Variants in FOXN3 observed in about 807,000 individuals in gnomAD.
The protein encoded by FOXN3 is forkhead box N3, also known as forkhead box protein N3.
In FOXN3, 7 loss-of-function variants were observed where a neutral mutation model predicts 38.4. That is an observed-to-expected ratio of 0.18 (90% CI 0.10 to 0.34). The LOEUF is 0.34. Among genes scored for constraint, FOXN3 ranks in the 10% least tolerant of loss-of-function variants. The pLI, the probability that FOXN3 is intolerant of heterozygous loss-of-function variation, is 1.00. For missense variants in FOXN3, 456 were observed against 613.4 expected, an observed-to-expected ratio of 0.74 and a Z score of 2.71; for synonymous variants, 230 against 242.2, an observed-to-expected ratio of 0.95 and a Z score of 0.47.
chr14:89,370,159 T>C (rs1890274235), intron 2 of FOXN3, among the ~76,000 whole-genome samples: 1 of 152,272 alleles, frequency 6.6e-6, no homozygotes, highest in Admixed American at 6.5e-5. Context: ...TTTGTATTTG[T>C]GCTGCTGGCA....
At chr14:89,471,399 C>T (rs1339081698) in intron 1 of FOXN3, among the ~76,000 whole-genome samples, 2 of 151,996 alleles carry the variant, frequency 1.3e-5, no homozygotes, top group Non-Finnish European at 2.9e-5. Flanking sequence ...CCCAGGAGCT[C>T]AAGACTAGCC....
At chr14:89,590,583 C>G (rs1895929696) in intron 1 of FOXN3, among the ~76,000 whole-genome samples, 1 of 152,114 alleles carries the variant, frequency 6.6e-6, no homozygotes, top group Non-Finnish European at 1.5e-5. Flanking sequence ...AACAATACAA[C>G]AAAGTGGATG....
At chr14:89,382,399 C>G (rs778723249) in intron 2 of FOXN3, among the ~76,000 whole-genome samples, 2 of 152,214 alleles carry the variant, frequency 1.3e-5, no homozygotes, top group Non-Finnish European at 2.9e-5. Flanking sequence ...ACCCTCACTT[C>G]CAAGCCTGAA....
At position 89,446,087 on chromosome 14, in the gene FOXN3, C is replaced by CAAAAAAAAAAAAAAAAAAA. The variant is rs576883864; in HGVS notation, c.-14-33616_-14-33598dup. ...TGGGTAACAGAGCGAGACCCTGCCT[C>CAAAAAAAAAAAAAAAAAAA]AAAAAAAAAAAAAAAAAAAAAAAAT... On this transcript the variant is annotated intron_variant, in intron 1 of 6. Transcript: ENST00000345097. Among the ~76,000 whole-genome samples the CAAAAAAAAAAAAAAAAAAA allele has an allele frequency of 2.0e-3, 82 of 40,104 alleles. 5 individuals are homozygous for CAAAAAAAAAAAAAAAAAAA. Among genetic ancestry groups the CAAAAAAAAAAAAAAAAAAA allele is most frequent in the African/African-American group, 3.9e-3 (46 of 11,750 alleles). 26.3% of individuals were successfully genotyped at this position (40,104 alleles called of 152,430 possible).
intron 2 of FOXN3, chr14:89,355,155 A>T (rs1415083506): frequency 6.6e-6 from 1 of 151,592 alleles, no homozygotes; most frequent in Admixed American, 6.6e-5. Context: ...ACAAAAAGAA[A>T]AGCAAACAAG....
chr14:89,532,721 C>G (rs939611229), intron 1 of FOXN3, among the ~76,000 whole-genome samples: 1 of 152,176 alleles, frequency 6.6e-6, no homozygotes, highest in Non-Finnish European at 1.5e-5. Flanking sequence ...AGCATTTCCA[C>G]TGATCACCAA....
chr14:89,390,785 A>G (rs1890923163), intron 2 of FOXN3, among the ~76,000 whole-genome samples: 1 of 152,162 alleles, frequency 6.6e-6, no homozygotes, highest in South Asian at 2.1e-4. Flanking sequence ...CCTCGGTTGA[A>G]GTTCTGAGGG....
intron 1 of FOXN3, among the ~76,000 whole-genome samples, chr14:89,536,614 C>G (rs756434484): frequency 1.3e-5 from 2 of 152,042 alleles, no homozygotes; most frequent in Non-Finnish European, 2.9e-5. Context: ...ACCCCCGTCT[C>G]TACTAAAAAT....
intron 2 of FOXN3, among the ~76,000 whole-genome samples, chr14:89,371,904 C>T (rs1012477451): frequency 2.0e-5 from 3 of 152,238 alleles, no homozygotes; most frequent in African/African-American, 7.2e-5. Context: ...CTCCTTCACC[C>T]GTTCAGGTCC....
intron 1 of FOXN3, among the ~76,000 whole-genome samples, chr14:89,482,416 T>G (rs1050401952): frequency 6.6e-6 from 1 of 151,854 alleles, no homozygotes; most frequent in Non-Finnish European, 1.5e-5. Context: ...AGCCCAGAAG[T>G]TTGAGACCAG....
chr14:89,210,555 G>A (rs1481830322), intron 4 of FOXN3, among the ~76,000 whole-genome samples: 3 of 152,162 alleles, frequency 2.0e-5, no homozygotes, highest in Non-Finnish European at 1.5e-5. Flanking sequence ...ATTCTCTAGA[G>A]TTTTGCTTTG....
At chr14:89,565,463 C>T (rs1187492590) in intron 1 of FOXN3, among the ~76,000 whole-genome samples, 6 of 152,136 alleles carry the variant, frequency 3.9e-5, no homozygotes, top group Non-Finnish European at 8.8e-5. Context: ...ACAGACTCAC[C>T]CAGGACCTGG....
chr14:89,187,329 C>T (rs578116308), intron 4 of FOXN3, among the ~76,000 whole-genome samples: 5 of 152,310 alleles, frequency 3.3e-5, no homozygotes, highest in African/African-American at 4.8e-5. Flanking sequence ...GCAGGCTCTG[C>T]GCAGACAGGA....
At chr14:89,617,990 G>C (rs1246868775) in intron 1 of FOXN3, among the ~76,000 whole-genome samples, 1 of 152,186 alleles carries the variant, frequency 6.6e-6, no homozygotes, top group Non-Finnish European at 1.5e-5. Flanking sequence ...CTCCAAGGCA[G>C]AGTCGGCGAT....
intron 1 of FOXN3, among the ~76,000 whole-genome samples, chr14:89,499,942 C>T (rs931654431): frequency 9.9e-5 from 15 of 152,098 alleles, no homozygotes; most frequent in Non-Finnish European, 2.1e-4. Context: ...CTCCGCATCT[C>T]GGGTTCAAGT....
intron 3 of FOXN3, among the ~76,000 whole-genome samples, chr14:89,302,263 G>A (rs574619584): frequency 3.3e-5 from 5 of 152,276 alleles, no homozygotes; most frequent in African/African-American, 7.2e-5. Context: ...CATTAAATTC[G>A]AAGAGAACAT....
chr14:89,370,779 C>T (rs1366754604), intron 2 of FOXN3, among the ~76,000 whole-genome samples: 1 of 152,248 alleles, frequency 6.6e-6, no homozygotes, highest in Non-Finnish European at 1.5e-5. Context: ...ACACTCAACT[C>T]CGGATAGGGT....
intron 1 of FOXN3, among the ~76,000 whole-genome samples, chr14:89,578,001 T>G (rs1028222477): frequency 1.3e-5 from 2 of 152,176 alleles, no homozygotes; most frequent in African/African-American, 2.4e-5. Context: ...CTTGGTGGAT[T>G]TGCAACCTAG....
intron 1 of FOXN3, among the ~76,000 whole-genome samples, chr14:89,520,433 AAAAGAC>A (rs1034085167): frequency 7.2e-5 from 11 of 152,338 alleles, no homozygotes; most frequent in African/African-American, 2.6e-4. Context: ...TGGGAAAACC[AAAAGAC>A]AAGAGTTTGG....
Sources: allele counts gnomAD v4.1 joint callset (sites outside exome capture counted in the v4.1 genomes callset), GRCh38; gene constraint gnomAD v4.1.1; transcripts MANE v1.5; gene names NCBI Gene and HGNC (gene_info 2026-07-23, HGNC 2026-07-21).